Variants in TRIM35 observed in about 807,000 individuals in gnomAD.
TRIM35 encodes the protein tripartite motif containing 35, also known as E3 ubiquitin-protein ligase TRIM35.
In TRIM35, 37 loss-of-function variants were observed where a neutral mutation model predicts 49.1. That is an observed-to-expected ratio of 0.75 (90% confidence interval 0.58 to 0.99). The LOEUF (loss-of-function observed/expected upper bound fraction) is 0.99, where lower values mean the gene tolerates loss of function less well. TRIM35 is among the 50% of genes least tolerant of loss of function. The probability of loss-of-function intolerance (pLI) is 0.00; values close to 1 mark genes in which losing one functional copy is unlikely to be tolerated. For synonymous variants in TRIM35, 302 were observed against 289.3 expected (o/e 1.04, Z -0.45); for missense variants, 648 against 702.7 (o/e 0.92, Z 0.88).
rs150253884 is a variant in TRIM35, at chr8:27,295,050, C to G, written c.532-740G>C. Among the ~76,000 whole-genome samples the G allele has an allele frequency of 3.2e-3, 482 of 152,302 alleles. 1 individual carries two copies. The highest frequency in any genetic ancestry group is 0.011 in the African/African-American group (458 of 41,554). ...CGTTGGTCAGGCTGGTCTCAAACTC[C>G]TGACTTAAGGTGATCTGCCCGCCTC... On this transcript the variant is annotated intron_variant, in intron 2 of 5. Coordinates refer to ENST00000305364, the MANE Select transcript of TRIM35 (RefSeq NM_171982.5).
intron 5 of TRIM35, 48 bp downstream of exon 5, chr8:27,289,114 G>A (rs1433881999): frequency 2.6e-6 from 4 of 1,521,578 alleles, no homozygotes; most frequent in Non-Finnish European, 3.6e-6. Flanking sequence ...TTGCTAACAT[G>A]AAGGGCTTCC....
At position 27,294,232 on chromosome 8, in the gene TRIM35, C is replaced by T; in HGVS notation, c.610G>A (p.Ala204Thr). The change falls in exon 3 of 6, where the codon GCC becomes ACC. Residue 204 changes from alanine (A) to threonine (T), a missense_variant. Coordinates refer to ENST00000305364, the MANE Select transcript of TRIM35 (RefSeq NM_171982.5). ...LREFLRVEEQ[A>T]ILDAMAEETR... Reference sequence around the variant, plus strand: ...TCCTCGGCCATGGCATCCAGAATGGCCTGCTCCTCCACTCTCAAGAACTCG... The same window carrying T: ...TCCTCGGCCATGGCATCCAGAATGGTCTGCTCCTCCACTCTCAAGAACTCG... 6 of 1,614,194 alleles carry T rather than the reference C, an allele frequency of 3.7e-6. No homozygotes were observed. Among genetic ancestry groups the T allele is most frequent in the Non-Finnish European group, 5.1e-6 (6 of 1,180,042 alleles).
intron 1 of TRIM35, among the ~76,000 whole-genome samples, chr8:27,305,256 A>C (rs1476309689): frequency 6.6e-6 from 1 of 152,212 alleles, no homozygotes; most frequent in African/African-American, 2.4e-5. Flanking sequence ...AACAGTAAAA[A>C]TGCATGGAGC....
intron 3 of TRIM35, 46 bp downstream of exon 3, chr8:27,294,034 T>C (rs1586046324): frequency 1.9e-6 from 3 of 1,588,516 alleles, no homozygotes; most frequent in Admixed American, 1.7e-5. Flanking sequence ...CAGCTGGTCC[T>C]GGAACATGTG....
intron 2 of TRIM35, among the ~76,000 whole-genome samples, chr8:27,297,117 T>A (rs752515208): frequency 1.3e-5 from 2 of 152,198 alleles, no homozygotes; most frequent in Non-Finnish European, 2.9e-5. Context: ...ACATAATCCT[T>A]TCTTCCACAC....
intron 1 of TRIM35, among the ~76,000 whole-genome samples, chr8:27,299,638 G>C (rs558613966): frequency 6.6e-6 from 1 of 152,174 alleles, no homozygotes; most frequent in Non-Finnish European, 1.5e-5. Context: ...TGAGATGAGA[G>C]TGTTTTAAGC....
chr8:27,304,579 G>A (rs998449234), intron 1 of TRIM35, among the ~76,000 whole-genome samples: 1 of 152,184 alleles, frequency 6.6e-6, no homozygotes, highest in Non-Finnish European at 1.5e-5. Context: ...TTAACCTCCA[G>A]GTCCTCTCTA....
At chr8:27,293,961 C>T in intron 3 of TRIM35, 119 bp downstream of exon 3, 1 of 948,098 alleles carries the variant, frequency 1.1e-6, no homozygotes, top group Non-Finnish European at 1.6e-6. Context: ...TGAGCTCCTC[C>T]AGGCCAGTAC....
intron 2 of TRIM35, among the ~76,000 whole-genome samples, chr8:27,298,252 T>A (rs998108928): frequency 6.6e-6 from 1 of 152,186 alleles, no homozygotes; most frequent in African/African-American, 2.4e-5. Context: ...CTGTGGCTGC[T>A]GGCATGACCA....
chr8:27,300,617 CT>C (rs112950957), intron 1 of TRIM35, among the ~76,000 whole-genome samples: 7,070 of 152,258 alleles, frequency 0.046, 583 homozygotes, highest in African/African-American at 0.16. Context: ...TCCTTTAAGT[CT>C]TTCACTACAG....
chr8:27,293,947 C>T, intron 3 of TRIM35, 133 bp downstream of exon 3: 1 of 776,494 alleles, frequency 1.3e-6, no homozygotes, highest in Non-Finnish European at 2.0e-6. Context: ...GAGCAGGTTA[C>T]TTGTGAGCTC....
intron 5 of TRIM35, among the ~76,000 whole-genome samples, chr8:27,288,493 G>C (rs1472038278): frequency 6.6e-6 from 1 of 152,158 alleles, no homozygotes; most frequent in Non-Finnish European, 1.5e-5. Flanking sequence ...GAGGATCAAA[G>C]TGCTGAGGGG....
chr8:27,286,683 A>C lies in TRIM35; in HGVS notation c.*867T>G, dbSNP rs1292305668. On this transcript the variant is annotated 3_prime_UTR_variant, in exon 6 of 6. Coordinates refer to ENST00000305364, the MANE Select transcript of TRIM35 (RefSeq NM_171982.5). ...TCTGATGGAGACGGAGGATCCAGCCACACAGAGGCCCTGCATTAACTGTAT... is the reference window on the plus strand; with the variant it reads ...TCTGATGGAGACGGAGGATCCAGCCCCACAGAGGCCCTGCATTAACTGTAT... The C allele has an allele frequency of 6.4e-6, 1 of 156,576 alleles. No homozygotes were observed. Among genetic ancestry groups the C allele is most frequent in the Non-Finnish European group, 1.4e-5 (1 of 70,936 alleles). The allele number at this position is 156,576 out of a possible 1,614,324, so 9.7% of individuals were successfully genotyped here. A position where few individuals can be genotyped will look rare whatever the true frequency, so the allele number is the denominator to read the frequency against.
intron 3 of TRIM35, among the ~76,000 whole-genome samples, chr8:27,291,357 G>A (rs1444672420): frequency 2.6e-5 from 4 of 152,098 alleles, no homozygotes; most frequent in African/African-American, 4.8e-5. Context: ...TACACAAGGA[G>A]ATACCACTTC....
Position 27,311,018 on chromosome 8 carries a change from T to C in TRIM35, c.218A>G (p.His73Arg). The C allele has an allele frequency of 6.2e-7, 1 of 1,609,980 alleles. No individual in the cohort carries two copies. Among genetic ancestry groups the C allele is most frequent in the Non-Finnish European group, 8.5e-7 (1 of 1,178,490 alleles). The part of the protein sequence containing the change: ...RASPADLRTN[H>R]TLNNLVEKLL... ...CTTCTCCACCAGGTTGTTGAGGGTG[T>C]GGTTGGTGCGCAGGTCGGCGGGTGA... Residue 73 changes from histidine (H) to arginine (R), a missense_variant, in exon 1 of 6, where the codon CAC becomes CGC. Coordinates refer to ENST00000305364, the MANE Select transcript of TRIM35 (RefSeq NM_171982.5).
chr8:27,304,731 T>C (rs1169744068), intron 1 of TRIM35: 2 of 428,736 alleles, frequency 4.7e-6, no homozygotes, highest in Non-Finnish European at 9.2e-6. Context: ...AATGAGTACA[T>C]GGAATGCCTG....
rs751042144 is a variant in TRIM35, at chr8:27,287,996, GC to G, written c.1035del (p.Leu346TrpfsTer66). The G allele has an allele frequency of 1.2e-6, 2 of 1,613,592 alleles. No individual in the cohort carries two copies. The highest frequency in any genetic ancestry group is 1.7e-6 in the Non-Finnish European group (2 of 1,180,006). On this transcript the variant is annotated frameshift_variant, in exon 6 of 6. Transcript: ENST00000305364. LOFTEE classifies it high-confidence loss of function. This position sits in a 1 kb window ranked among gnomAD's most constrained non-coding sequence, Gnocchi z 6.0. ...NPERFSSAPC[L>X]LGSRVFSQGS... ...CCCTGTGAGAAGACACGGGAGCCCA[GC>G]AGGCAGGGCGCCGAGGAGAAGCGTT...
rs1046524358 is a variant in TRIM35, at chr8:27,287,167, C to G, written c.*383G>C. 4 of 179,484 alleles carry G rather than the reference C, an allele frequency of 2.2e-5. No individual in the cohort carries two copies. In the Admixed American group the frequency reaches 2.3e-4, roughly 10 times the overall value. 11.1% of individuals were successfully genotyped at this position (179,484 alleles called of 1,614,324 possible). A position where few individuals can be genotyped will look rare whatever the true frequency, so the allele number is the denominator to read the frequency against. Reference sequence around the variant, plus strand: ...CTCTCAGAACCGTAAGTAACAAACTCTCCTTTCCATGGCAGTCCCCTCCTC... The same window carrying G: ...CTCTCAGAACCGTAAGTAACAAACTGTCCTTTCCATGGCAGTCCCCTCCTC... On this transcript the variant is annotated 3_prime_UTR_variant, in exon 6 of 6. Coordinates refer to ENST00000305364, the MANE Select transcript of TRIM35 (RefSeq NM_171982.5). This position sits in a 1 kb window ranked among gnomAD's most constrained non-coding sequence, Gnocchi z 6.0.
Position 27,310,908 on chromosome 8 carries a change from G to T in TRIM35, c.328C>A (p.Leu110Ile). The T allele has an allele frequency of 3.7e-6, 6 of 1,612,898 alleles. No homozygotes were observed. The highest frequency in any genetic ancestry group is 5.1e-6 in the Non-Finnish European group (6 of 1,179,856). Residue 110 changes from leucine (L) to isoleucine (I), a missense_variant, in exon 1 of 6, where the codon CTC becomes ATC. By Grantham distance (5) the Leu-to-Ile change is conservative. Transcript: ENST00000305364. Reference protein sequence around the residue: ...VCRLHRGQLSLFCLEDKELLC... With the variant: ...VCRLHRGQLSIFCLEDKELLC... ...AGCTCCTTGTCCTCGAGGCAGAAGA[G>T]GCTGAGCTGTCCGCGGTGCAGGCGG...
Sources: allele counts gnomAD v4.1 joint callset (sites outside exome capture counted in the v4.1 genomes callset), GRCh38; gene constraint gnomAD v4.1.1; non-coding constraint Gnocchi (gnomAD v3.1); transcripts MANE v1.5; gene names NCBI Gene and HGNC (gene_info 2026-07-23, HGNC 2026-07-21).